The following SOCS7 variants were observed in gnomAD, a reference collection of about 807,000 sequenced individuals.
SOCS7 encodes suppressor of cytokine signaling 7.
SOCS7 carries 18 observed loss-of-function variants against 58.9 expected under a neutral mutation model. That is an observed-to-expected ratio of 0.31 (90% CI 0.21 to 0.45). The LOEUF (loss-of-function observed/expected upper bound fraction) is 0.45. Ranked by LOEUF, SOCS7 falls within the 20% of genes least tolerant of loss-of-function variation. SOCS7 has a pLI of 1.00. For missense variants in SOCS7, 667 were observed against 837.3 expected (o/e 0.80, Z 2.51); for synonymous variants, 388 against 364.3 (o/e 1.06, Z -0.74).
chr17:38,367,461 C>T (rs777526549), intron 5 of SOCS7, among the ~76,000 whole-genome samples: 162 of 152,262 alleles, frequency 1.1e-3, no homozygotes, highest in Non-Finnish European at 1.6e-3. Context: ...GCAACCTCCA[C>T]CTCCTGGGTT....
At chr17:38,365,047 A>G (rs1555568094) in intron 3 of SOCS7, among the ~76,000 whole-genome samples, 191 bp downstream of exon 3, 1 of 152,174 alleles carries the variant, frequency 6.6e-6, no homozygotes, top group Admixed American at 6.5e-5. Context: ...AATACTTACT[A>G]TACATATATT....
chr17:38,401,066 G>C lies in SOCS7; in HGVS notation c.*1584G>C, dbSNP rs2038312357. ...GGTTTGGGTGGGGCCCCAGTGTCCT[G>C]GTAATTTATAGGACTGCCTCATCTG... On this transcript the variant is annotated 3_prime_UTR_variant, in exon 10 of 10. Coordinates refer to ENST00000612932, the MANE Select transcript of SOCS7 (RefSeq NM_014598.4). The C allele has an allele frequency of 6.6e-6, 1 of 152,194 alleles. No homozygotes were observed. The highest frequency in any genetic ancestry group is 2.1e-4 in the South Asian group (1 of 4,828). The allele number at this position is 152,194 out of a possible 1,614,324, so 9.4% of individuals were successfully genotyped here.
At chr17:38,378,738 A>C (rs539570306) in intron 7 of SOCS7, among the ~76,000 whole-genome samples, 1 of 152,286 alleles carries the variant, frequency 6.6e-6, no homozygotes, top group African/African-American at 2.4e-5. Flanking sequence ...CTTCCTGCCC[A>C]CTAAGTTAGG....
At chr17:38,387,025 C>T (rs1312966179) in intron 7 of SOCS7, among the ~76,000 whole-genome samples, 1 of 134,724 alleles carries the variant, frequency 7.4e-6, no homozygotes, top group East Asian at 2.2e-4. Flanking sequence ...GCAGAGCTTG[C>T]AGTGAGCTAT....
intron 7 of SOCS7, among the ~76,000 whole-genome samples, chr17:38,385,865 A>G (rs1192499232): frequency 6.6e-6 from 1 of 152,124 alleles, no homozygotes; most frequent in Non-Finnish European, 1.5e-5. Flanking sequence ...CTTACAAATT[A>G]GCAGGAGTCT....
intron 9 of SOCS7, among the ~76,000 whole-genome samples, chr17:38,399,149 G>T (rs1055726871): frequency 2.0e-5 from 3 of 152,002 alleles, no homozygotes; most frequent in East Asian, 3.9e-4. Flanking sequence ...GTTCAAAAGG[G>T]GTTACTCCAG....
intron 1 of SOCS7, among the ~76,000 whole-genome samples, chr17:38,358,765 C>A (rs75835821): frequency 0.026 from 3,986 of 152,276 alleles, 72 homozygotes; most frequent in Non-Finnish European, 0.041. Context: ...AGACCTTTTA[C>A]CTTTCCAAGC....
intron 1 of SOCS7, 28 bp from the exon 2 acceptor site, chr17:38,361,683 A>G (rs1020684484): frequency 1.9e-6 from 3 of 1,583,238 alleles, no homozygotes; most frequent in Non-Finnish European, 2.6e-6. Context: ...TCTCCCCTCT[A>G]TTCTCTCTCT....
Position 38,351,952 on chromosome 17 carries a change from C to T in SOCS7, c.-101C>T, listed in dbSNP as rs1181392808. Reference sequence around the variant, plus strand: ...GCAGAGGCCGCGGCGGCCGTTAGCGCTGTCGCTCCGGGGGCCGCGGCGGGC... The same window carrying T: ...GCAGAGGCCGCGGCGGCCGTTAGCGTTGTCGCTCCGGGGGCCGCGGCGGGC... On this transcript the variant is annotated 5_prime_UTR_variant, in exon 1 of 10. Transcript: ENST00000612932. 6.6e-6 allele frequency among the ~76,000 whole-genome samples: 1 copy of T among 151,326 alleles called. No homozygotes were observed. Among genetic ancestry groups the T allele is most frequent in the African/African-American group, 2.4e-5 (1 of 41,336 alleles).
intron 7 of SOCS7, among the ~76,000 whole-genome samples, chr17:38,390,082 C>A (rs1361803078): frequency 6.7e-6 from 1 of 150,002 alleles, no homozygotes; most frequent in African/African-American, 2.5e-5. Flanking sequence ...CCACCGTACC[C>A]AGCCTTGAAT....
chr17:38,383,733 G>T (rs544365030), intron 7 of SOCS7, among the ~76,000 whole-genome samples: 1 of 151,970 alleles, frequency 6.6e-6, no homozygotes. Flanking sequence ...TTTTAGAGAC[G>T]GGGTTTCACC....
intron 1 of SOCS7, among the ~76,000 whole-genome samples, chr17:38,353,819 G>T (rs970380486): frequency 6.6e-6 from 1 of 152,156 alleles, no homozygotes; most frequent in Non-Finnish European, 1.5e-5. Context: ...CCAGCTACTC[G>T]GGAGGCTGAG....
intron 8 of SOCS7, 77 bp from the exon 9 acceptor site, chr17:38,395,771 G>A (rs201714750): frequency 4.2e-5 from 60 of 1,425,324 alleles, no homozygotes; most frequent in Middle Eastern, 2.1e-4. Flanking sequence ...GAGTGAAGAA[G>A]AGTTGAACAA....
chr17:38,355,621 C>T (rs1597680366), intron 1 of SOCS7, among the ~76,000 whole-genome samples: 1 of 152,136 alleles, frequency 6.6e-6, no homozygotes, highest in South Asian at 2.1e-4. Context: ...GGGTATATGC[C>T]TTTGTCCTCA....
At chr17:38,360,826 A>G (rs41529444) in intron 1 of SOCS7, among the ~76,000 whole-genome samples, 138 of 152,376 alleles carry the variant, frequency 9.1e-4, no homozygotes, top group African/African-American at 3.2e-3. Flanking sequence ...GGCATGAGCC[A>G]CCGCACCCGG....
Position 38,382,487 on chromosome 17 carries a change from T to TTTTG in SOCS7, c.1681+4657_1681+4660dup, listed in dbSNP as rs764612866. ...TCATGCTTTGAATTGGACAGCTCAT[T>TTTTG]TTTGTTTGTTTGTTTCAAGATGGAG... On this transcript the variant is annotated intron_variant, in intron 7 of 9. Coordinates refer to ENST00000612932, the MANE Select transcript of SOCS7 (RefSeq NM_014598.4). Among the ~76,000 whole-genome samples the TTTTG allele has an allele frequency of 2.5e-3, 383 of 151,444 alleles. 1 individual carries two copies. The highest frequency in any genetic ancestry group is 6.8e-3 in the Middle Eastern group (2 of 292).
chr17:38,360,665 G>A (rs899369185), intron 1 of SOCS7, among the ~76,000 whole-genome samples: 16 of 151,980 alleles, frequency 1.1e-4, no homozygotes, highest in Non-Finnish European at 1.5e-5. Context: ...TCAGCCTCCC[G>A]AGTAACTGGG....
intron 7 of SOCS7, among the ~76,000 whole-genome samples, chr17:38,381,946 C>CA (rs55949628): frequency 0.038 from 661 of 17,286 alleles, 37 homozygotes; most frequent in Middle Eastern, 0.12. Flanking sequence ...GACTCTGTCT[C>CA]AAAAAAAAAA....
At chr17:38,357,836 A>C (rs1404336550) in intron 1 of SOCS7, among the ~76,000 whole-genome samples, 1 of 152,254 alleles carries the variant, frequency 6.6e-6, no homozygotes, top group Non-Finnish European at 1.5e-5. Context: ...ATTTATGGGC[A>C]AGATAGGTTA....
Sources: gnomAD v4.1 joint callset for allele counts (sites outside exome capture counted in the v4.1 genomes callset) on GRCh38, gnomAD v4.1.1 for gene constraint, MANE v1.5 for transcripts, NCBI Gene and HGNC (gene_info 2026-07-23, HGNC 2026-07-21) for gene names.